The following SAMD14 variants were observed in gnomAD, a reference collection of about 807,000 sequenced individuals.
SAMD14 encodes sterile alpha motif domain-containing protein 14.
In SAMD14, 27 loss-of-function variants were observed where a neutral mutation model predicts 46.2. The observed-to-expected ratio is 0.58, with a 90% CI of 0.43 to 0.81. The LOEUF is 0.81. Ranked by LOEUF, SAMD14 falls within the 30% of genes least tolerant of loss-of-function variation. The pLI is 0.00. For missense variants in SAMD14, 559 were observed against 582.2 expected (o/e 0.96, Z 0.41); for synonymous variants, 241 against 254.3 (o/e 0.95, Z 0.50).
chr17:50,111,369 A>C lies in SAMD14; in HGVS notation c.*1524T>G, dbSNP rs1362699730. The stretch of plus-strand genomic sequence containing the variant: ...ATAAATTGAGAACTGCCTCCCCTTC[A>C]CATGCAGGTGGGCACCCACTATAGC... On this transcript the variant is annotated 3_prime_UTR_variant, in exon 10 of 10. Transcript: ENST00000330175. 6.6e-6 allele frequency: 1 copy of C among 152,230 alleles called. No homozygotes were observed. Among genetic ancestry groups the C allele is most frequent in the African/African-American group, 2.4e-5 (1 of 41,446 alleles). The allele number at this position is 152,230 out of a possible 1,614,324, so 9.4% of individuals were successfully genotyped here. A position where few individuals can be genotyped will look rare whatever the true frequency, so the allele number is the denominator to read the frequency against.
chr17:50,118,516 G>A (rs1279803645), intron 2 of SAMD14, among the ~76,000 whole-genome samples, 189 bp from the exon 3 acceptor site: 2 of 152,244 alleles, frequency 1.3e-5, no homozygotes, highest in Non-Finnish European at 2.9e-5. Flanking sequence ...GTGTGCAGGG[G>A]AAGCAGAAAT....
Position 50,117,472 on chromosome 17 carries a change from G to C in SAMD14, c.434C>G (p.Ala145Gly). Residue 145 changes from alanine to glycine, a missense_variant, in exon 4 of 10, where the codon GCG becomes GGG. Coordinates refer to ENST00000330175, the MANE Select transcript of SAMD14 (RefSeq NM_001257359.2). ...AAASCSPPRSAPSSDSSPSFV... is the reference protein window; with the variant it reads ...AAASCSPPRSGPSSDSSPSFV... ...GCTGGGGGAGCTGTCGGAGGAGGGC[G>C]CGGAGCGCGGCGGAGAGCAGGAGGC... is the stretch of plus-strand genomic sequence containing the variant. The C allele has an allele frequency of 7.1e-7, 1 of 1,400,184 alleles. No homozygotes were observed. Among genetic ancestry groups the C allele is most frequent in the East Asian group, 3.0e-5 (1 of 33,644 alleles). 86.7% of individuals were successfully genotyped at this position (1,400,184 alleles called of 1,614,324 possible). A position where few individuals can be genotyped will look rare whatever the true frequency, so the allele number is the denominator to read the frequency against.
chr17:50,116,881 T>C (rs920920257), intron 4 of SAMD14, among the ~76,000 whole-genome samples: 2 of 152,012 alleles, frequency 1.3e-5, no homozygotes, highest in African/African-American at 4.8e-5. Flanking sequence ...GATGATTTGA[T>C]TGGGTTTTTG....
rs1006526433 is a variant in SAMD14 at position 50,117,654 on chromosome 17, C to T, written c.252G>A (p.Ser84=). The change falls in exon 4 of 10, where the codon TCG becomes TCA. Residue 84 remains serine (S), a synonymous_variant. Transcript: ENST00000330175. Reference sequence around the variant, plus strand: ...GGGACCCCGGGCCTGAGTGCAAAGGCGAGCGCAGCCGGTGCAGGGGGCTCC... The same window carrying T: ...GGGACCCCGGGCCTGAGTGCAAAGGTGAGCGCAGCCGGTGCAGGGGGCTCC... The part of the protein sequence containing the change: ...GCGSPLHRLR[S]PLHSGPGSPA... 7 of 1,547,588 alleles carry T rather than the reference C, an allele frequency of 4.5e-6. No homozygotes were observed. The highest frequency in any genetic ancestry group is 6.0e-6 in the Non-Finnish European group (7 of 1,157,994).
intron 7 of SAMD14, 188 bp from the exon 8 acceptor site, chr17:50,114,494 G>A (rs1189265243): frequency 1.3e-6 from 2 of 1,546,870 alleles, no homozygotes; most frequent in Non-Finnish European, 1.8e-6. Context: ...AAGCCTTTGG[G>A]AGAGCAGGCA....
intron 1 of SAMD14, among the ~76,000 whole-genome samples, chr17:50,126,328 G>A (rs532102717): frequency 7.5e-4 from 105 of 140,270 alleles, no homozygotes; most frequent in African/African-American, 2.3e-3. Context: ...TTTTTGAGAC[G>A]GAGTCTCACT....
intron 2 of SAMD14, among the ~76,000 whole-genome samples, chr17:50,122,838 C>A (rs1911567093): frequency 6.6e-6 from 1 of 151,904 alleles, no homozygotes; most frequent in Admixed American, 6.5e-5. Context: ...AGCGAGGGGG[C>A]CAGCACAGCC....
intron 7 of SAMD14, chr17:50,114,613 G>A (rs1911080683): frequency 2.6e-5 from 16 of 619,016 alleles, no homozygotes; most frequent in Non-Finnish European, 3.9e-5. Context: ...CCCCCAGGCT[G>A]GGTCAGGTGT....
At chr17:50,118,087 G>A in intron 3 of SAMD14, 74 bp downstream of exon 3, 4 of 1,473,010 alleles carry the variant, frequency 2.7e-6, no homozygotes, top group Non-Finnish European at 3.7e-6. Flanking sequence ...AGAGCACTCT[G>A]GAGAGATTAT....
intron 2 of SAMD14, among the ~76,000 whole-genome samples, chr17:50,122,850 G>T (rs897331320): frequency 1.3e-5 from 2 of 152,108 alleles, no homozygotes; most frequent in Non-Finnish European, 2.9e-5. Flanking sequence ...AGCACAGCCT[G>T]CGAGGGGAAG....
chr17:50,118,161 C>A lies in SAMD14; in HGVS notation c.210G>T (p.Lys70Asn). 1 of 1,587,564 alleles carries A rather than the reference C, an allele frequency of 6.3e-7. No individual in the cohort carries two copies. Among genetic ancestry groups the A allele is most frequent in the Non-Finnish European group, 8.6e-7 (1 of 1,163,976 alleles). Reference sequence around the variant, plus strand: ...ATGTGTTTTCCTAACTTGCCCCAACCTTGCCTCCGGGCCCATCCGAGCCTT... The same window carrying A: ...ATGTGTTTTCCTAACTTGCCCCAACATTGCCTCCGGGCCCATCCGAGCCTT... ...DGEGSDGPGG[K>N]VTDGCGSPLH... is the part of the protein sequence containing the mutation. Residue 70 changes from lysine to asparagine, a missense_variant and splice_region_variant, in exon 3 of 10, where the codon AAG becomes AAT. Lys to Asn is a moderately conservative substitution (Grantham distance 94). Coordinates refer to ENST00000330175, the MANE Select transcript of SAMD14 (RefSeq NM_001257359.2).
At chr17:50,125,220 G>T in intron 1 of SAMD14, 1 of 488,756 alleles carries the variant, frequency 2.0e-6, no homozygotes, top group Non-Finnish European at 3.7e-6. Context: ...CACAGGCTGA[G>T]CCCTGTGGTC....
In SAMD14 at chr17:50,114,192, C is replaced by G. The variant is rs1351569929; in HGVS notation, c.937G>C (p.Asp313His). ...CCTGGGCCAGCCTTGCTCACCTCATCTGAAGACTGAGACAGCGTGTGGTAG... is the reference window on the plus strand; with the variant it reads ...CCTGGGCCAGCCTTGCTCACCTCATGTGAAGACTGAGACAGCGTGTGGTAG... ...YPYHTLSQSS[D>H]EFLDEPLPPV... Residue 313 changes from aspartate to histidine, a missense_variant, in exon 8 of 10, where the codon GAT becomes CAT. Transcript: ENST00000330175. 1 of 1,614,058 alleles carries G rather than the reference C, an allele frequency of 6.2e-7. No homozygotes were observed. The highest frequency in any genetic ancestry group is 8.5e-7 in the Non-Finnish European group (1 of 1,180,050).
chr17:50,122,359 CT>C (rs1911541197), intron 2 of SAMD14, among the ~76,000 whole-genome samples: 2 of 152,312 alleles, frequency 1.3e-5, no homozygotes, highest in South Asian at 4.1e-4. Flanking sequence ...CAAAGTCACA[CT>C]TCCATGGACT....
chr17:50,114,483 G>A, intron 7 of SAMD14, 177 bp from the exon 8 acceptor site: 1 of 1,581,976 alleles, frequency 6.3e-7, no homozygotes, highest in Non-Finnish European at 8.6e-7. Flanking sequence ...ATCAGGACCT[G>A]AAGCCTTTGG....
In SAMD14 at chr17:50,115,687, G is replaced by A; in HGVS notation, c.699C>T (p.Ser233=). 6.2e-7 allele frequency: 1 copy of A among 1,607,286 alleles called. No individual in the cohort carries two copies. Among genetic ancestry groups the A allele is most frequent in the Non-Finnish European group, 8.5e-7 (1 of 1,175,682 alleles). ...SVEGSGRSGG[S]PFLPFSWFTD... is the part of the protein sequence containing the mutation. The stretch of plus-strand genomic sequence containing the variant: ...TGAACCAGGAAAAAGGCAGGAACGG[G>A]GAGCCCCCTGACCTGCCGGACCCCT... The change falls in exon 7 of 10, where the codon TCC becomes TCT. Residue 233 remains serine (S), a synonymous_variant. Coordinates refer to ENST00000330175, the MANE Select transcript of SAMD14 (RefSeq NM_001257359.2). The surrounding 1 kb of genome is among the most constrained non-coding windows in gnomAD (Gnocchi z 5.3).
At position 50,112,683 on chromosome 17, in the gene SAMD14, G is replaced by A. The variant is rs1056104275; in HGVS notation, c.*210C>T. 1 of 544,664 alleles carries A rather than the reference G, an allele frequency of 1.8e-6. No individual in the cohort carries two copies. Among genetic ancestry groups the A allele is most frequent in the East Asian group, 3.2e-5 (1 of 31,578 alleles). 33.7% of individuals were successfully genotyped at this position (544,664 alleles called of 1,614,324 possible). ...TGTGCCAAACAAGTCCTCAAAATAGGATTTATTACTAGGCCCTCTCCCTGG... is the reference window on the plus strand; with the variant it reads ...TGTGCCAAACAAGTCCTCAAAATAGAATTTATTACTAGGCCCTCTCCCTGG... On this transcript the variant is annotated 3_prime_UTR_variant, in exon 10 of 10. Transcript: ENST00000330175.
At position 50,116,093 on chromosome 17, in the gene SAMD14, T is replaced by C; in HGVS notation, c.500-3A>G. ...AGGACTGGCGTCACGGCTGTCATCT[T>C]TCCAGGGAGAGAAGGAAGGAAACTG... On this transcript the variant is annotated splice_region_variant and splice_polypyrimidine_tract_variant and intron_variant, in intron 4 of 9. Coordinates refer to ENST00000330175, the MANE Select transcript of SAMD14 (RefSeq NM_001257359.2). 6.2e-7 allele frequency: 1 copy of C among 1,611,572 alleles called. No homozygotes were observed. Among genetic ancestry groups the C allele is most frequent in the Non-Finnish European group, 8.5e-7 (1 of 1,178,122 alleles).
intron 2 of SAMD14, among the ~76,000 whole-genome samples, chr17:50,123,755 G>A (rs1911610234): frequency 6.6e-6 from 1 of 152,166 alleles, no homozygotes; most frequent in African/African-American, 2.4e-5. Context: ...ACATCAGGAA[G>A]CAGTGAGGAC....
Sources: allele counts gnomAD v4.1 joint callset (sites outside exome capture counted in the v4.1 genomes callset), GRCh38; gene constraint gnomAD v4.1.1; non-coding constraint Gnocchi (gnomAD v3.1); transcripts MANE v1.5; gene names NCBI Gene and HGNC (gene_info 2026-07-23, HGNC 2026-07-21).